KCNQ5: variants seen among roughly 807,000 people sequenced by gnomAD.
KCNQ5 encodes potassium voltage-gated channel subfamily KQT member 5.
KCNQ5 carries 30 observed loss-of-function variants against 98.2 expected under a neutral mutation model. The ratio of observed to expected loss-of-function variants is 0.31; its 90% CI spans 0.23 to 0.41. The LOEUF is 0.41. Among genes scored for constraint, KCNQ5 ranks in the 10% least tolerant of loss-of-function variants. The pLI, the probability that KCNQ5 is intolerant of heterozygous loss-of-function variation, is 1.00. For missense variants in KCNQ5, 835 were observed against 1,182.5 expected (o/e 0.71, Z 4.31); for synonymous variants, 458 against 449.4 (o/e 1.02, Z -0.24).
chr6:73,124,952 T>TAG (rs1775895997), intron 9 of KCNQ5, among the ~76,000 whole-genome samples: 1 of 11,084 alleles, frequency 9.0e-5, no homozygotes, highest in Non-Finnish European at 1.6e-4. Context: ...TATATATATA[T>TAG]ATATATATAT....
In KCNQ5 at chr6:72,622,274, G is replaced by A. The variant is rs952233278; in HGVS notation, c.85G>A (p.Gly29Arg). ...KSGAAAAAAG[G>R]GRLGSGMKDV... is the part of the protein sequence containing the mutation. ...CGGCGCAGCGGCGGCGGCGGCGGGC[G>A]GGGGGCGCTTGGGCAGCGGCATGAA... The change falls in exon 1 of 14, where the codon GGG (glycine) becomes AGG (arginine). Residue 29 changes from glycine (G) to arginine (R), a missense_variant. Around this residue, in one of 10 missense-constraint regions of KCNQ5, gnomAD observed 80 missense variants for 72.3 expected, o/e 1.11. Transcript: ENST00000370398. This position sits in a 1 kb window ranked among gnomAD's most constrained non-coding sequence, Gnocchi z 6.0. The A allele has an allele frequency of 3.1e-6, 4 of 1,276,486 alleles. No individual in the cohort carries two copies. Among genetic ancestry groups the A allele is most frequent in the Non-Finnish European group, 3.9e-6 (4 of 1,015,578 alleles). The allele number at this position is 1,276,486 out of a possible 1,614,324, so 79.1% of individuals were successfully genotyped here. A position where few individuals can be genotyped will look rare whatever the true frequency, so the allele number is the denominator to read the frequency against.
intron 1 of KCNQ5, among the ~76,000 whole-genome samples, chr6:72,988,527 G>A (rs1043775802): frequency 2.6e-4 from 40 of 152,084 alleles, no homozygotes; most frequent in African/African-American, 8.0e-4. Context: ...GGAGAAGGGC[G>A]TAGGTCAAAA....
chr6:73,031,222 A>G (rs956566592), intron 2 of KCNQ5, among the ~76,000 whole-genome samples: 1 of 152,236 alleles, frequency 6.6e-6, no homozygotes, highest in African/African-American at 2.4e-5. Context: ...AAATGAAAAT[A>G]AAATCATTCA....
chr6:73,112,199 C>A (rs1254056203), intron 7 of KCNQ5, among the ~76,000 whole-genome samples: 2 of 152,058 alleles, frequency 1.3e-5, no homozygotes, highest in South Asian at 4.2e-4. Context: ...AAGTTTCTCC[C>A]CTCCTGCTAG....
chr6:73,063,718 AGAT>A (rs57356757), intron 3 of KCNQ5, among the ~76,000 whole-genome samples: 2,583 of 93,448 alleles, frequency 0.028, 40 homozygotes, highest in African/African-American at 0.042. Context: ...ATAGATAGAT[AGAT>A]GATAGATAGA....
chr6:73,116,532 GCACACACCTGTAGTCCT>G (rs1775504062), intron 7 of KCNQ5, among the ~76,000 whole-genome samples: 1 of 152,052 alleles, frequency 6.6e-6, no homozygotes, highest in Admixed American at 6.6e-5. Flanking sequence ...AAGTGCAATG[GCACACACCTGTAGTCCT>G]CACACACCTG....
chr6:72,736,533 T>C (rs1770848397), intron 1 of KCNQ5, among the ~76,000 whole-genome samples: 1 of 118,404 alleles, frequency 8.4e-6, no homozygotes, highest in Admixed American at 1.0e-4. Flanking sequence ...GGAGTCTCGC[T>C]CTGTCGCCCA....
At chr6:72,629,690 C>T (rs1271910656) in intron 1 of KCNQ5, among the ~76,000 whole-genome samples, 1 of 152,194 alleles carries the variant, frequency 6.6e-6, no homozygotes, top group African/African-American at 2.4e-5. Context: ...ATGTTTTATC[C>T]TAGCCCAATG....
intron 10 of KCNQ5, among the ~76,000 whole-genome samples, chr6:73,159,283 G>A (rs1232197527): frequency 6.6e-6 from 1 of 152,188 alleles, no homozygotes; most frequent in Non-Finnish European, 1.5e-5. Flanking sequence ...ACTTTTAAGT[G>A]GGAGCTAAAT....
At chr6:73,148,243 C>G (rs1283880980) in intron 10 of KCNQ5, among the ~76,000 whole-genome samples, 1 of 152,090 alleles carries the variant, frequency 6.6e-6, no homozygotes, top group East Asian at 1.9e-4. Context: ...TTTCTGCTAG[C>G]CAGTAAGTAA....
chr6:72,933,626 C>G (rs2150231634), intron 1 of KCNQ5, among the ~76,000 whole-genome samples: 1 of 152,288 alleles, frequency 6.6e-6, no homozygotes, highest in East Asian at 1.9e-4. Context: ...TCTTCCACTC[C>G]ATAAACCTAA....
chr6:72,718,473 A>G (rs1486302318), intron 1 of KCNQ5, among the ~76,000 whole-genome samples: 1 of 52,198 alleles, frequency 1.9e-5, no homozygotes, highest in Non-Finnish European at 3.8e-5. Flanking sequence ...TTTTTTTTTG[A>G]CAGAGTCTCG....
intron 1 of KCNQ5, among the ~76,000 whole-genome samples, chr6:72,650,138 T>G (rs1384683187): frequency 6.6e-6 from 1 of 152,142 alleles, no homozygotes; most frequent in African/African-American, 2.4e-5. Context: ...AAACTAAGTT[T>G]CCTTTTCCTG....
chr6:72,662,060 C>A (rs982130989), intron 1 of KCNQ5, among the ~76,000 whole-genome samples: 1 of 152,098 alleles, frequency 6.6e-6, no homozygotes, highest in African/African-American at 2.4e-5. Context: ...TCCTAAACCT[C>A]TTTTTGGCAT....
chr6:72,707,421 T>C (rs1417549853), intron 1 of KCNQ5, among the ~76,000 whole-genome samples: 1 of 152,186 alleles, frequency 6.6e-6, no homozygotes, highest in Non-Finnish European at 1.5e-5. Context: ...TACATATATG[T>C]TTATTTCAGA....
At chr6:72,929,929 A>G (rs983178832) in intron 1 of KCNQ5, among the ~76,000 whole-genome samples, 1 of 152,142 alleles carries the variant, frequency 6.6e-6, no homozygotes, top group Non-Finnish European at 1.5e-5. Flanking sequence ...TTTAGATGAA[A>G]CTTACATAAT....
At chr6:73,107,642 T>C (rs1297151620) in intron 6 of KCNQ5, among the ~76,000 whole-genome samples, 2 of 152,086 alleles carry the variant, frequency 1.3e-5, no homozygotes, top group Non-Finnish European at 1.5e-5. Context: ...AACTCTAAAC[T>C]ATCACAGGGA....
At chr6:72,646,361 A>G (rs1289007292) in intron 1 of KCNQ5, among the ~76,000 whole-genome samples, 1 of 152,194 alleles carries the variant, frequency 6.6e-6, no homozygotes, top group African/African-American at 2.4e-5. Flanking sequence ...AGTTTATTTT[A>G]AAAATAAATT....
At chr6:73,187,369 C>T (rs1321081327) in intron 11 of KCNQ5, among the ~76,000 whole-genome samples, 6 of 152,100 alleles carry the variant, frequency 3.9e-5, no homozygotes, top group African/African-American at 1.2e-4. Context: ...TAATAACCAC[C>T]AAAATTCTTA....
Sources: allele counts gnomAD v4.1 joint callset (sites outside exome capture counted in the v4.1 genomes callset), GRCh38; gene constraint gnomAD v4.1.1; regional missense constraint gnomAD v4.1.1; non-coding constraint Gnocchi (gnomAD v3.1); transcripts MANE v1.5; gene names NCBI Gene and HGNC (gene_info 2026-07-23, HGNC 2026-07-21).